SYTL5: variants seen among roughly 807,000 people sequenced by gnomAD.
SYTL5 encodes the protein synaptotagmin like 5.
A neutral mutation model predicts 55.9 loss-of-function variants in SYTL5; 34 were observed. The ratio of observed to expected loss-of-function variants is 0.61; its 90% confidence interval spans 0.46 to 0.81. The LOEUF (loss-of-function observed/expected upper bound fraction) is 0.81. Among genes scored for constraint, SYTL5 ranks in the 30% least tolerant of loss-of-function variants. The probability of loss-of-function intolerance (pLI) is 0.00; values close to 1 mark genes in which losing one functional copy is unlikely to be tolerated. For synonymous variants in SYTL5, 221 were observed against 188.7 expected (o/e 1.17, Z -1.40); for missense variants, 637 against 546.7 (o/e 1.17, Z -1.65).
At chrX:38,063,480 A>C (rs1355748362) in intron 3 of SYTL5, among the ~76,000 whole-genome samples, 1 of 111,600 alleles carries the variant, frequency 9.0e-6, no homozygotes, top group Non-Finnish European at 1.9e-5. Flanking sequence ...GGTACTCTAT[A>C]ATACATATAG....
At chrX:37,971,401 T>C in the SYTL5 span, among the ~76,000 whole-genome samples, 597 of 111,067 alleles carry the variant, frequency 5.4e-3, 6 homozygotes, top group African/African-American at 0.018. Context: ...CAATTGAACA[T>C]AAAATTATAG....
At position 38,126,759 on chromosome X, in the gene SYTL5, C is replaced by A; in HGVS notation, c.*29C>A. ...GACCAGTTCTCCAAGAATGAGGCCACCAGGACCTATCTGGCTGTCTTTTCC... is the reference window on the plus strand; with the variant it reads ...GACCAGTTCTCCAAGAATGAGGCCAACAGGACCTATCTGGCTGTCTTTTCC... On this transcript the variant is annotated 3_prime_UTR_variant, in exon 17 of 17. Coordinates refer to ENST00000297875, the MANE Select transcript of SYTL5 (RefSeq NM_138780.3). The A allele has an allele frequency of 8.4e-7, 1 of 1,183,781 alleles. No individual in the cohort carries two copies. The highest frequency in any genetic ancestry group is 1.1e-6 in the Non-Finnish European group (1 of 879,955).
chrX:37,972,352 A>G, the SYTL5 span, among the ~76,000 whole-genome samples: 1 of 111,385 alleles, frequency 9.0e-6, no homozygotes, highest in Non-Finnish European at 1.9e-5. Flanking sequence ...CTTAAACAAC[A>G]ACTTCCTAGG....
the SYTL5 span, among the ~76,000 whole-genome samples, chrX:37,987,818 G>A: frequency 8.9e-6 from 1 of 111,950 alleles, no homozygotes; most frequent in Non-Finnish European, 1.9e-5. Context: ...CCAGAACAGT[G>A]GGACATCATC....
At chrX:37,918,038 C>T in the SYTL5 span, among the ~76,000 whole-genome samples, 4 of 111,482 alleles carry the variant, frequency 3.6e-5, no homozygotes, top group Non-Finnish European at 5.7e-5. Context: ...AGTAAATCCC[C>T]TCTGCCCAGT....
chrX:37,959,840 C>T, the SYTL5 span, among the ~76,000 whole-genome samples: 56 of 111,839 alleles, frequency 5.0e-4, no homozygotes, highest in African/African-American at 1.8e-3. Context: ...GTGGCTCTAC[C>T]CTGTGACAAC....
the SYTL5 span, among the ~76,000 whole-genome samples, chrX:37,902,552 G>A: frequency 3.8e-4 from 43 of 112,229 alleles, no homozygotes; most frequent in Non-Finnish European, 7.1e-4. Flanking sequence ...TTTTTCAGCC[G>A]AGTATGTCAT....
the SYTL5 span, among the ~76,000 whole-genome samples, chrX:37,907,132 T>C: frequency 8.9e-6 from 1 of 112,078 alleles, no homozygotes; most frequent in Non-Finnish European, 1.9e-5. Flanking sequence ...CATCAAATTG[T>C]TTGGTTTGAT....
chrX:37,915,014 C>A, the SYTL5 span, among the ~76,000 whole-genome samples: 1 of 111,759 alleles, frequency 8.9e-6, no homozygotes, highest in African/African-American at 3.3e-5. Flanking sequence ...GTCCTCTCTG[C>A]GCCTGTGTCC....
chrX:37,915,166 A>G, the SYTL5 span, among the ~76,000 whole-genome samples: 24,985 of 110,704 alleles, frequency 0.23, 2,438 homozygotes, highest in African/African-American at 0.37. Flanking sequence ...GTGCGCGCGC[A>G]TGCACGTGCA....
At chrX:37,916,058 A>G in the SYTL5 span, among the ~76,000 whole-genome samples, 218 of 110,722 alleles carry the variant, frequency 2.0e-3, 1 homozygote, top group African/African-American at 6.7e-3. Context: ...CCATAAGAGG[A>G]CTTTACTTTT....
the SYTL5 span, among the ~76,000 whole-genome samples, chrX:37,998,089 C>G: frequency 2.7e-5 from 3 of 112,005 alleles, no homozygotes; most frequent in African/African-American, 9.7e-5. Flanking sequence ...ATCAGGACAC[C>G]CTTGCTGCAG....
chrX:38,038,628 C>T (rs1485166720), intron 2 of SYTL5, among the ~76,000 whole-genome samples: 3 of 111,758 alleles, frequency 2.7e-5, no homozygotes, highest in African/African-American at 9.7e-5. Context: ...AAAAGGTGAA[C>T]GTTTGTGCTT....
At chrX:37,989,033 G>A in the SYTL5 span, among the ~76,000 whole-genome samples, 121 of 112,080 alleles carry the variant, frequency 1.1e-3, no homozygotes, top group Non-Finnish European at 1.8e-3. Context: ...AGCCTATCCA[G>A]ATTGCAAAAG....
chrX:38,066,549 A>G (rs1196106894), intron 3 of SYTL5, among the ~76,000 whole-genome samples: 2 of 111,750 alleles, frequency 1.8e-5, no homozygotes, highest in South Asian at 7.6e-4. Flanking sequence ...CTAGATTGAC[A>G]TGACAGAGAG....
the SYTL5 span, among the ~76,000 whole-genome samples, chrX:37,968,286 A>T: frequency 9.0e-6 from 1 of 111,441 alleles, no homozygotes; most frequent in African/African-American, 3.3e-5. Flanking sequence ...TTTAGGTAAA[A>T]GGGGTTACAG....
intron 8 of SYTL5, 44 bp downstream of exon 8, chrX:38,094,468 A>C (rs773774979): frequency 1.5e-5 from 17 of 1,135,850 alleles, no homozygotes; most frequent in Non-Finnish European, 1.8e-5. Flanking sequence ...AAAATGACTA[A>C]ATCAAATGGA....
At chrX:38,073,993 A>T in intron 5 of SYTL5, among the ~76,000 whole-genome samples, 1 of 111,920 alleles carries the variant, frequency 8.9e-6, no homozygotes. Context: ...TCATGCCAGG[A>T]TCAGTCTATA....
At chrX:38,068,168 A>G (rs1250300461) in intron 3 of SYTL5, among the ~76,000 whole-genome samples, 1 of 112,417 alleles carries the variant, frequency 8.9e-6, no homozygotes, top group Non-Finnish European at 1.9e-5. Context: ...TAACAAGCAT[A>G]TGAAAAAAAT....
Sources: allele counts gnomAD v4.1 joint callset (sites outside exome capture counted in the v4.1 genomes callset), GRCh38; gene constraint gnomAD v4.1.1; transcripts MANE v1.5; gene names NCBI Gene and HGNC (gene_info 2026-07-23, HGNC 2026-07-21).